GABRB3: variants seen among roughly 807,000 people sequenced by gnomAD.
GABRB3 encodes gamma-aminobutyric acid receptor subunit beta-3.
In GABRB3, 14 loss-of-function variants were observed where a neutral mutation model predicts 52.1. The ratio of observed to expected loss-of-function variants is 0.27; its 90% CI spans 0.18 to 0.42. The LOEUF is 0.42. Among genes scored for constraint, GABRB3 ranks in the 10% least tolerant of loss-of-function variants. GABRB3 has a pLI of 1.00. For synonymous variants in GABRB3, 260 were observed against 232.3 expected (o/e 1.12, Z -1.08); for missense variants, 307 against 609.1 (o/e 0.50, Z 5.22).
intron 3 of GABRB3, among the ~76,000 whole-genome samples, chr15:26,754,575 G>A (rs937446354): frequency 2.6e-5 from 4 of 152,172 alleles, no homozygotes; most frequent in African/African-American, 9.7e-5. Flanking sequence ...TGCATCAGTA[G>A]ACCAAACTTT....
rs144442463 is a variant in GABRB3, at chr15:26,571,639, C to T, written c.683-3906G>A. Among the ~76,000 whole-genome samples, 161 of 152,276 alleles carry T rather than the reference C, an allele frequency of 1.1e-3. 2 individuals are homozygous for T. The highest frequency in any genetic ancestry group is 8.7e-3 in the Admixed American group (133 of 15,296). On this transcript the variant is annotated intron_variant, in intron 6 of 8. Transcript: ENST00000311550. ...ACAGTCAAACAAACACTTGGACGAT[C>T]ATTAGGGACCTTGAAGAAGAGAATA...
chr15:26,636,918 C>A (rs1287874127), intron 3 of GABRB3, among the ~76,000 whole-genome samples: 1 of 152,172 alleles, frequency 6.6e-6, no homozygotes, highest in African/African-American at 2.4e-5. Flanking sequence ...GTCAAACACA[C>A]CATCTCTCCC....
chr15:26,618,313 C>T (rs1470648147), intron 4 of GABRB3, among the ~76,000 whole-genome samples: 8 of 151,908 alleles, frequency 5.3e-5, no homozygotes, highest in African/African-American at 1.9e-4. Context: ...GGTACCAAAA[C>T]AGAGATATAG....
intron 3 of GABRB3, among the ~76,000 whole-genome samples, chr15:26,719,040 C>A (rs1889574920): frequency 6.6e-6 from 1 of 152,272 alleles, no homozygotes; most frequent in African/African-American, 2.4e-5. Flanking sequence ...CCCACCGCCA[C>A]CTGGCAAGTG....
chr15:26,579,595 G>C (rs1890715366), intron 6 of GABRB3, among the ~76,000 whole-genome samples: 1 of 152,198 alleles, frequency 6.6e-6, no homozygotes, highest in South Asian at 2.1e-4. Context: ...AAGAGTTGGT[G>C]ATCTCTGAAA....
intron 3 of GABRB3, among the ~76,000 whole-genome samples, chr15:26,748,222 G>C (rs1373229393): frequency 2.0e-5 from 3 of 151,918 alleles, no homozygotes; most frequent in Non-Finnish European, 4.4e-5. Flanking sequence ...GTGTAATACT[G>C]GTTTCGTAAA....
intron 3 of GABRB3, among the ~76,000 whole-genome samples, chr15:26,746,847 C>T (rs901973374): frequency 1.3e-4 from 19 of 151,968 alleles, no homozygotes; most frequent in African/African-American, 4.6e-4. Flanking sequence ...ATTAGCCGGG[C>T]GTGGTGGCGG....
At chr15:26,618,366 TC>T (rs1892345750) in intron 4 of GABRB3, among the ~76,000 whole-genome samples, 1 of 151,636 alleles carries the variant, frequency 6.6e-6, no homozygotes, top group Admixed American at 6.6e-5. Context: ...ACGCCACATA[TC>T]TACAACTATC....
intron 4 of GABRB3, among the ~76,000 whole-genome samples, chr15:26,596,329 T>C (rs1891395113): frequency 6.6e-6 from 1 of 151,906 alleles, no homozygotes; most frequent in Non-Finnish European, 1.5e-5. Context: ...GCTTAAAACA[T>C]AAGAAAAAGC....
chr15:26,686,955 C>A (rs898482271), intron 3 of GABRB3, among the ~76,000 whole-genome samples: 1 of 152,252 alleles, frequency 6.6e-6, no homozygotes, highest in African/African-American at 2.4e-5. Context: ...AAGCTCAGCA[C>A]AACAGGCATA....
intron 3 of GABRB3, among the ~76,000 whole-genome samples, chr15:26,669,223 C>T (rs924219687): frequency 6.6e-6 from 1 of 152,158 alleles, no homozygotes; most frequent in Non-Finnish European, 1.5e-5. Flanking sequence ...TTCCTTGCCA[C>T]AGGAATTTTA....
chr15:26,636,186 A>T (rs1481247507), intron 3 of GABRB3, among the ~76,000 whole-genome samples: 1 of 152,198 alleles, frequency 6.6e-6, no homozygotes, highest in Non-Finnish European at 1.5e-5. Flanking sequence ...TTGGAGAATA[A>T]CAGCACCTTA....
Position 26,580,356 on chromosome 15 carries a change from C to T in GABRB3, c.645G>A (p.Glu215=), listed in dbSNP as rs1890743749. The stretch of plus-strand genomic sequence containing the variant: ...CAACATTCCTCGAGACCAGACGGTG[C>T]TCCACGATGGAGAACTGCGGGAGCT... The part of the protein sequence containing the change: ...RIELPQFSIV[E]HRLVSRNVVF... The change falls in exon 6 of 9, where the codon GAG becomes GAA. Residue 215 remains glutamate, a synonymous_variant. Coordinates refer to ENST00000311550, the MANE Select transcript of GABRB3 (RefSeq NM_000814.6). 2 of 1,614,178 alleles carry T rather than the reference C, an allele frequency of 1.2e-6. No individual in the cohort carries two copies. The highest frequency in any genetic ancestry group is 1.7e-6 in the Non-Finnish European group (2 of 1,180,036).
At chr15:26,582,204 C>T (rs1004361191) in intron 5 of GABRB3, among the ~76,000 whole-genome samples, 4 of 152,338 alleles carry the variant, frequency 2.6e-5, no homozygotes, top group African/African-American at 9.6e-5. Context: ...ACTGCCCATA[C>T]ACCACAGCGG....
At chr15:26,678,406 T>A (rs1287956163) in intron 3 of GABRB3, among the ~76,000 whole-genome samples, 2 of 152,208 alleles carry the variant, frequency 1.3e-5, no homozygotes, top group African/African-American at 4.8e-5. Context: ...CACACCTGAC[T>A]GCAGAGTGCG....
At chr15:26,762,691 T>TA (rs1486802818) in intron 3 of GABRB3, among the ~76,000 whole-genome samples, 2 of 152,228 alleles carry the variant, frequency 1.3e-5, no homozygotes, top group Non-Finnish European at 2.9e-5. Context: ...CAGAAACACT[T>TA]AGATTACAGG....
At chr15:26,629,300 G>T in intron 3 of GABRB3, 1 of 782,964 alleles carries the variant, frequency 1.3e-6, no homozygotes, top group Non-Finnish European at 1.9e-6. Context: ...GTGGCCCGTA[G>T]CGGAAAAGGC....
At chr15:26,580,017 C>G (rs1352401790) in intron 6 of GABRB3, among the ~76,000 whole-genome samples, 1 of 152,190 alleles carries the variant, frequency 6.6e-6, no homozygotes, top group Non-Finnish European at 1.5e-5. Context: ...CATCAATGAC[C>G]TGTTGTCTGC....
At position 26,750,966 on chromosome 15, in the gene GABRB3, T is replaced by C. The variant is rs149772241; in HGVS notation, c.240+21436A>G. 3.3e-3 allele frequency among the ~76,000 whole-genome samples: 506 copies of C among 152,334 alleles called. 5 individuals carry two copies. Among genetic ancestry groups the C allele is most frequent in the African/African-American group, 0.011 (450 of 41,596 alleles). Reference sequence around the variant, plus strand: ...TCAGATGTGTTTATTCTTAAGTCCCTCAAGTAACAAGTCAGTATTTGGCCC... The same window carrying C: ...TCAGATGTGTTTATTCTTAAGTCCCCCAAGTAACAAGTCAGTATTTGGCCC... On this transcript the variant is annotated intron_variant, in intron 3 of 8. Transcript: ENST00000311550.
Sources: allele counts gnomAD v4.1 joint callset (sites outside exome capture counted in the v4.1 genomes callset), GRCh38; gene constraint gnomAD v4.1.1; transcripts MANE v1.5; gene names NCBI Gene and HGNC (gene_info 2026-07-23, HGNC 2026-07-21).